The following PID1 variants were observed in gnomAD, a reference collection of about 807,000 sequenced individuals.
PID1 encodes phosphotyrosine interaction domain containing 1, also known as PTB-containing, cubilin and LRP1-interacting protein.
In PID1, 10 loss-of-function variants were observed where a neutral mutation model predicts 19.1. The observed-to-expected ratio is 0.52, with a 90% confidence interval of 0.32 to 0.89. The LOEUF (loss-of-function observed/expected upper bound fraction) is 0.89, where lower values mean the gene tolerates loss of function less well. Ranked by LOEUF, PID1 falls within the 40% of genes least tolerant of loss-of-function variation. The pLI is 0.03. For synonymous variants in PID1, 130 were observed against 116.0 expected (o/e 1.12, Z -0.78); for missense variants, 248 against 285.3 (o/e 0.87, Z 0.94).
intron 2 of PID1, among the ~76,000 whole-genome samples, chr2:229,080,060 TC>T (rs1397778330): frequency 6.6e-6 from 1 of 152,046 alleles, no homozygotes; most frequent in African/African-American, 2.4e-5. Flanking sequence ...CTCTCCTGCC[TC>T]CCTGTTCTCC....
At chr2:229,232,788 AATATATAT>A (rs3997299) in intron 1 of PID1, among the ~76,000 whole-genome samples, 44,855 of 139,490 alleles carry the variant, frequency 0.32, 7,195 homozygotes, top group Middle Eastern at 0.37. Context: ...CACACACATA[AATATATAT>A]ATATATATAT....
intron 1 of PID1, among the ~76,000 whole-genome samples, chr2:229,189,619 C>A (rs1481405892): frequency 1.3e-5 from 2 of 152,182 alleles, no homozygotes; most frequent in Non-Finnish European, 2.9e-5. Flanking sequence ...ATGGCTTGAA[C>A]CTGGGAGGCG....
intron 2 of PID1, among the ~76,000 whole-genome samples, chr2:229,111,460 C>T (rs1695297462): frequency 6.6e-6 from 1 of 152,100 alleles, no homozygotes; most frequent in African/African-American, 2.4e-5. Context: ...TAATATTGTT[C>T]TGACGCAAAA....
intron 1 of PID1, among the ~76,000 whole-genome samples, chr2:229,243,049 C>G (rs1469049776): frequency 2.6e-5 from 4 of 152,024 alleles, no homozygotes; most frequent in Non-Finnish European, 5.9e-5. Context: ...GGGCAATGTA[C>G]AAAAGAAAGA....
chr2:229,132,972 T>C (rs1308252036), intron 2 of PID1, among the ~76,000 whole-genome samples: 1 of 152,216 alleles, frequency 6.6e-6, no homozygotes, highest in African/African-American at 2.4e-5. Context: ...GCCAATGCTT[T>C]GTGCTTTAAT....
chr2:229,113,860 T>G (rs928571777), intron 2 of PID1, among the ~76,000 whole-genome samples: 1 of 152,118 alleles, frequency 6.6e-6, no homozygotes, highest in Non-Finnish European at 1.5e-5. Context: ...GGTCCAACTT[T>G]ATTCTAGATG....
chr2:229,230,397 TTTGG>T (rs1174582475), intron 1 of PID1, among the ~76,000 whole-genome samples: 3 of 152,228 alleles, frequency 2.0e-5, no homozygotes, highest in Non-Finnish European at 4.4e-5. Flanking sequence ...GCTGAGATTC[TTTGG>T]TAAGTTTTGC....
At chr2:229,085,973 C>T (rs192734113) in intron 2 of PID1, among the ~76,000 whole-genome samples, 2 of 152,022 alleles carry the variant, frequency 1.3e-5, no homozygotes, top group African/African-American at 2.4e-5. Flanking sequence ...TAAAATAAGG[C>T]GACTGGATTT....
intron 1 of PID1, among the ~76,000 whole-genome samples, chr2:229,254,999 ATGCACAC>A (rs1410917460): frequency 6.6e-5 from 10 of 152,202 alleles, no homozygotes; most frequent in Non-Finnish European, 1.5e-4. Context: ...GAGAGAGAGT[ATGCACAC>A]TAAATCTCAA....
At chr2:229,030,630 T>C (rs912094330) in intron 2 of PID1, among the ~76,000 whole-genome samples, 2 of 152,144 alleles carry the variant, frequency 1.3e-5, no homozygotes, top group Non-Finnish European at 2.9e-5. Context: ...TACAGAAATA[T>C]ATATCATGAC....
At chr2:229,104,192 G>A (rs1695129312) in intron 2 of PID1, among the ~76,000 whole-genome samples, 1 of 152,084 alleles carries the variant, frequency 6.6e-6, no homozygotes, top group South Asian at 2.1e-4. Context: ...CATGTCATTG[G>A]CTTATCTGGT....
chr2:229,117,367 C>T lies in PID1; in HGVS notation c.177+38451G>A, dbSNP rs980720973. ...CAGTCTTACCTCTAATCAAATCTACCTTCACAATCTGGATAAGATGTACCA... is the reference window on the plus strand; with the variant it reads ...CAGTCTTACCTCTAATCAAATCTACTTTCACAATCTGGATAAGATGTACCA... On this transcript the variant is annotated intron_variant, in intron 2 of 2. Transcript: ENST00000392055. Among the ~76,000 whole-genome samples the T allele has an allele frequency of 3.9e-4, 59 of 152,104 alleles. 2 individuals carry two copies. The highest frequency in any genetic ancestry group is 1.2e-4 in the Non-Finnish European group (8 of 68,022).
intron 1 of PID1, among the ~76,000 whole-genome samples, chr2:229,166,737 C>G (rs1239586771): frequency 6.6e-6 from 1 of 152,042 alleles, no homozygotes; most frequent in African/African-American, 2.4e-5. Flanking sequence ...AATTCTAGGA[C>G]TGGGGCAAGA....
At position 229,032,381 on chromosome 2, in the gene PID1, C is replaced by T. The variant is rs149576870; in HGVS notation, c.178-6273G>A. Reference sequence around the variant, plus strand: ...AGGTTCCGCAACTAACATAGCTGTGCACCAATGTCAGGTTTGGTTAAGGAG... The same window carrying T: ...AGGTTCCGCAACTAACATAGCTGTGTACCAATGTCAGGTTTGGTTAAGGAG... On this transcript the variant is annotated intron_variant, in intron 2 of 2. Transcript: ENST00000392055. Among the ~76,000 whole-genome samples the T allele has an allele frequency of 3.8e-3, 575 of 152,294 alleles. 5 individuals carry two copies. Among genetic ancestry groups the T allele is most frequent in the African/African-American group, 0.013 (528 of 41,554 alleles).
At chr2:229,200,732 A>G (rs1017909730) in intron 1 of PID1, among the ~76,000 whole-genome samples, 6 of 152,164 alleles carry the variant, frequency 3.9e-5, no homozygotes, top group Admixed American at 3.9e-4. Flanking sequence ...TTTCACAGAA[A>G]CGTTTAATAA....
intron 2 of PID1, among the ~76,000 whole-genome samples, chr2:229,141,439 T>G (rs1690008950): frequency 6.6e-6 from 1 of 152,176 alleles, no homozygotes; most frequent in Admixed American, 6.5e-5. Context: ...AGGTGGACTC[T>G]GAATGAGCTG....
intron 1 of PID1, among the ~76,000 whole-genome samples, chr2:229,181,324 A>G (rs756650152): frequency 2.0e-4 from 30 of 152,308 alleles, no homozygotes; most frequent in Admixed American, 3.3e-4. Flanking sequence ...AGAACCAGCA[A>G]GAGTCTACTT....
intron 1 of PID1, among the ~76,000 whole-genome samples, chr2:229,200,030 C>T (rs745613639): frequency 3.0e-4 from 45 of 151,864 alleles, no homozygotes; most frequent in Middle Eastern, 3.2e-3. Flanking sequence ...ATGCCTTCTT[C>T]TCCTTGTTCT....
intron 1 of PID1, among the ~76,000 whole-genome samples, chr2:229,171,143 T>C (rs1690705100): frequency 6.6e-6 from 1 of 152,238 alleles, no homozygotes; most frequent in Non-Finnish European, 1.5e-5. Context: ...AACACACACA[T>C]ATTTATGTCC....
Sources: gnomAD v4.1 joint callset for allele counts (sites outside exome capture counted in the v4.1 genomes callset) on GRCh38, gnomAD v4.1.1 for gene constraint, MANE v1.5 for transcripts, NCBI Gene and HGNC (gene_info 2026-07-23, HGNC 2026-07-21) for gene names.